Variants in SLC68A1 observed in about 807,000 individuals in gnomAD.
The protein encoded by SLC68A1 is solute carrier family 68 member 1, also known as major facilitator superfamily domain containing 13A.
At chr10:102,471,630 A>G in the SLC68A1 span, among the ~76,000 whole-genome samples, 1 of 152,132 alleles carries the variant, frequency 6.6e-6, no homozygotes, top group Non-Finnish European at 1.5e-5. Flanking sequence ...TAATTCCAGC[A>G]TATCTGTAAT....
At chr10:102,475,702 T>C in the SLC68A1 span, 42 of 1,564,188 alleles carry the variant, frequency 2.7e-5, no homozygotes, top group Non-Finnish European at 3.6e-5. Flanking sequence ...CCATGGTCTT[T>C]CTGTGCTCTC....
the SLC68A1 span, among the ~76,000 whole-genome samples, chr10:102,461,701 A>G: frequency 5.3e-5 from 8 of 152,136 alleles, no homozygotes; most frequent in Non-Finnish European, 1.0e-4. Context: ...TCTGGAGGAA[A>G]GGGATGCAGT....
At chr10:102,472,061 G>A in the SLC68A1 span, 15 of 455,338 alleles carry the variant, frequency 3.3e-5, no homozygotes, top group African/African-American at 2.0e-4. Context: ...ACTTCGGGAC[G>A]CCAAGGTGGA....
chr10:102,470,926 G>T, the SLC68A1 span: 2,819 of 1,613,362 alleles, frequency 1.7e-3, 45 homozygotes, highest in African/African-American at 0.033. Context: ...TCTTCAGCGC[G>T]GCCGGCTCCC....
At chr10:102,466,357 C>G in the SLC68A1 span, among the ~76,000 whole-genome samples, 1 of 152,018 alleles carries the variant, frequency 6.6e-6, no homozygotes, top group African/African-American at 2.4e-5. Context: ...ATGGCAGGTG[C>G]CTGTAATCCC....
chr10:102,472,009 C>A, the SLC68A1 span: 1 of 455,634 alleles, frequency 2.2e-6, no homozygotes, highest in Non-Finnish European at 4.4e-6. Context: ...TTTAAGACAG[C>A]AACCACTGCC....
At chr10:102,471,170 G>A in the SLC68A1 span, 2 of 1,551,278 alleles carry the variant, frequency 1.3e-6, no homozygotes, top group African/African-American at 1.5e-5. Flanking sequence ...TTCTAAGTCT[G>A]ATTTCGGTGC....
the SLC68A1 span, among the ~76,000 whole-genome samples, chr10:102,464,800 A>AC: frequency 4.0e-5 from 6 of 148,934 alleles, no homozygotes; most frequent in African/African-American, 1.2e-4. Flanking sequence ...AAAAAAAAAA[A>AC]AAAAAGAGGA....
chr10:102,470,572 G>A, the SLC68A1 span: 2 of 1,534,008 alleles, frequency 1.3e-6, no homozygotes, highest in Non-Finnish European at 8.8e-7. Flanking sequence ...CCACACCCTG[G>A]GCCTCCATCC....
the SLC68A1 span, among the ~76,000 whole-genome samples, chr10:102,473,381 T>A: frequency 6.6e-6 from 1 of 152,104 alleles, no homozygotes; most frequent in Non-Finnish European, 1.5e-5. Context: ...CTCTTTCTCA[T>A]CCGTAAAGTG....
the SLC68A1 span, among the ~76,000 whole-genome samples, chr10:102,469,371 C>T: frequency 6.6e-6 from 1 of 152,206 alleles, no homozygotes; most frequent in African/African-American, 2.4e-5. Context: ...GATGACTCCT[C>T]CTCGATGGGG....
At chr10:102,473,883 G>C in the SLC68A1 span, 2 of 1,614,118 alleles carry the variant, frequency 1.2e-6, no homozygotes, top group Non-Finnish European at 1.7e-6. Context: ...CCTGGTAGAC[G>C]AGGACCTGGT....
At chr10:102,464,652 T>TG in the SLC68A1 span, among the ~76,000 whole-genome samples, 1 of 150,228 alleles carries the variant, frequency 6.7e-6, no homozygotes, top group Non-Finnish European at 1.5e-5. Flanking sequence ...TAGCTGGGCG[T>TG]GGTGGTGCAT....
chr10:102,470,185 A>G, the SLC68A1 span: 1 of 1,021,718 alleles, frequency 9.8e-7, no homozygotes, highest in Non-Finnish European at 1.5e-6. Context: ...AGACTATTTC[A>G]GTGTTGCCCA....
the SLC68A1 span, chr10:102,469,298 G>C: frequency 8.3e-7 from 1 of 1,206,750 alleles, no homozygotes; most frequent in East Asian, 2.4e-5. Context: ...GTCCCACCCA[G>C]TCAGAGGCCT....
the SLC68A1 span, chr10:102,472,819 C>A: frequency 6.4e-7 from 1 of 1,559,482 alleles, no homozygotes; most frequent in Non-Finnish European, 8.8e-7. Flanking sequence ...TCTCCTCCCA[C>A]TGGAAGCCTC....
the SLC68A1 span, among the ~76,000 whole-genome samples, chr10:102,467,945 C>A: frequency 2.0e-5 from 3 of 152,092 alleles, no homozygotes; most frequent in Admixed American, 1.3e-4. Context: ...GCGTGAGCCA[C>A]GGCACCCGGC....
chr10:102,472,838 C>T, the SLC68A1 span: 50 of 1,607,906 alleles, frequency 3.1e-5, no homozygotes, highest in Admixed American at 5.0e-5. Flanking sequence ...TCCTCACCAT[C>T]CCTGTCGGGT....
chr10:102,472,152 G>C, the SLC68A1 span: 2 of 381,984 alleles, frequency 5.2e-6, no homozygotes, highest in Non-Finnish European at 1.1e-5. Context: ...GGCAGAGAAA[G>C]GCTCCATCTC....
Sources: allele counts gnomAD v4.1 joint callset (sites outside exome capture counted in the v4.1 genomes callset), GRCh38; gene constraint gnomAD v4.1.1; transcripts MANE v1.5; gene names NCBI Gene and HGNC (gene_info 2026-07-23, HGNC 2026-07-21).